COL11A1: variants seen among roughly 807,000 people sequenced by gnomAD.
COL11A1 encodes collagen type XI alpha 1 chain.
In COL11A1, 74 loss-of-function variants were observed where a neutral mutation model predicts 265.2. The ratio of observed to expected loss-of-function variants is 0.28; its 90% CI spans 0.23 to 0.34. COL11A1 has a LOEUF of 0.34. Ranked by LOEUF, COL11A1 falls within the 10% of genes least tolerant of loss-of-function variation. COL11A1 has a pLI of 1.00. For missense variants in COL11A1, 2,165 were observed against 2,263.6 expected (o/e 0.96, Z 0.88); for synonymous variants, 816 against 727.6 (o/e 1.12, Z -1.96).
intron 38 of COL11A1, among the ~76,000 whole-genome samples, chr1:102,964,231 C>T (rs568982768): frequency 4.6e-5 from 7 of 152,148 alleles, no homozygotes; most frequent in Non-Finnish European, 1.0e-4. Context: ...GAGTCTAATT[C>T]CATTTCTGTT....
chr1:103,108,060 C>A lies in COL11A1; in HGVS notation c.106+13G>T. 1 of 1,608,860 alleles carries A rather than the reference C, an allele frequency of 6.2e-7. No homozygotes were observed. On this transcript the variant is annotated intron_variant, in intron 1 of 66. Coordinates refer to ENST00000370096, the MANE Select transcript of COL11A1 (RefSeq NM_001854.4). ...CGGCAATCTCCCACCTCCCCAAATC[C>A]ATTTTTTCTTACCTCCTCTGACCTC...
At chr1:102,999,490 T>C (rs1402500017) in intron 24 of COL11A1, among the ~76,000 whole-genome samples, 1 of 151,898 alleles carries the variant, frequency 6.6e-6, no homozygotes, top group Non-Finnish European at 1.5e-5. Flanking sequence ...GCAATTAATA[T>C]ATGAGTGAAC....
intron 49 of COL11A1, among the ~76,000 whole-genome samples, chr1:102,918,936 G>A (rs554025970): frequency 6.6e-6 from 1 of 151,976 alleles, no homozygotes; most frequent in Non-Finnish European, 1.5e-5. Context: ...AAGATAAGCC[G>A]ATAAAAGCTA....
At chr1:103,039,662 G>A (rs1222579602) in intron 4 of COL11A1, among the ~76,000 whole-genome samples, 2 of 151,966 alleles carry the variant, frequency 1.3e-5, no homozygotes, top group Admixed American at 6.6e-5. Flanking sequence ...GAAAAAATAA[G>A]TTTCTGTTAT....
chr1:102,937,866 A>G (rs982802182), intron 44 of COL11A1, among the ~76,000 whole-genome samples: 3 of 152,212 alleles, frequency 2.0e-5, no homozygotes, highest in African/African-American at 7.2e-5. Context: ...GGCAGATACC[A>G]AAATACATTT....
At chr1:103,101,927 C>A (rs111390970) in intron 1 of COL11A1, among the ~76,000 whole-genome samples, 1 of 152,104 alleles carries the variant, frequency 6.6e-6, no homozygotes, top group African/African-American at 2.4e-5. Context: ...TAATTCCATG[C>A]GCAGCAAGCA....
At chr1:103,067,932 G>A (rs80240690) in intron 4 of COL11A1, among the ~76,000 whole-genome samples, 1,775 of 151,672 alleles carry the variant, frequency 0.012, 43 homozygotes, top group African/African-American at 0.04. Context: ...CCTGTATCGA[G>A]TAAAGAAATT....
intron 57 of COL11A1, among the ~76,000 whole-genome samples, chr1:102,895,983 T>C (rs762321456): frequency 6.6e-6 from 1 of 151,904 alleles, no homozygotes; most frequent in Non-Finnish European, 1.5e-5. Context: ...ATAAAATTGA[T>C]TGGTTTTCAA....
rs555018529 is a variant in COL11A1, at chr1:102,884,071, T to C, written c.4859-760A>G. Reference sequence around the variant, plus strand: ...AAGTTACTAGGAGCCAAAAGTGATATACATGTAAACATTACTTTGCTTCCT... The same window carrying C: ...AAGTTACTAGGAGCCAAAAGTGATACACATGTAAACATTACTTTGCTTCCT... On this transcript the variant is annotated intron_variant, in intron 63 of 66. Coordinates refer to ENST00000370096, the MANE Select transcript of COL11A1 (RefSeq NM_001854.4). Among the ~76,000 whole-genome samples the C allele has an allele frequency of 9.2e-5, 14 of 152,320 alleles. No individual in the cohort carries two copies. The South Asian group carries it at 2.5e-3, about 27-fold the overall frequency.
chr1:102,896,515 GA>G (rs1048005092), intron 57 of COL11A1, among the ~76,000 whole-genome samples: 1 of 152,068 alleles, frequency 6.6e-6, no homozygotes, highest in Admixed American at 6.6e-5. Context: ...TTAAAGCTAT[GA>G]AAAAACTACA....
At chr1:103,065,492 C>A (rs1164954733) in intron 4 of COL11A1, among the ~76,000 whole-genome samples, 1 of 121,680 alleles carries the variant, frequency 8.2e-6, no homozygotes, top group Non-Finnish European at 1.6e-5. Flanking sequence ...TACACTCCAG[C>A]CTGGGCGACA....
At chr1:102,942,947 A>G (rs1228151284) in intron 42 of COL11A1, among the ~76,000 whole-genome samples, 1 of 152,108 alleles carries the variant, frequency 6.6e-6, no homozygotes, top group Non-Finnish European at 1.5e-5. Flanking sequence ...CAGAGTTGAG[A>G]AAACAGAGGT....
In COL11A1 at chr1:102,956,666, T is replaced by C. The variant is rs954374294; in HGVS notation, c.3168+5200A>G. Among the ~76,000 whole-genome samples, 4 of 152,182 alleles carry C rather than the reference T, an allele frequency of 2.6e-5. No individual in the cohort carries two copies. In the South Asian group the frequency reaches 8.3e-4, roughly 32 times the overall value. On this transcript the variant is annotated intron_variant, in intron 41 of 66. Coordinates refer to ENST00000370096, the MANE Select transcript of COL11A1 (RefSeq NM_001854.4). ...CCATGAGTAGGTTATGAGGTAAATTTCACAGGTCTTGCCCAGTATTTAAAA... is the reference window on the plus strand; with the variant it reads ...CCATGAGTAGGTTATGAGGTAAATTCCACAGGTCTTGCCCAGTATTTAAAA...
intron 38 of COL11A1, among the ~76,000 whole-genome samples, chr1:102,963,630 C>T (rs1344737756): frequency 6.6e-6 from 1 of 151,852 alleles, no homozygotes; most frequent in Non-Finnish European, 1.5e-5. Context: ...TATTTTTTTC[C>T]TAAAAATGCA....
At chr1:103,085,828 T>C (rs1449314279) in intron 1 of COL11A1, among the ~76,000 whole-genome samples, 1 of 152,176 alleles carries the variant, frequency 6.6e-6, no homozygotes, top group Non-Finnish European at 1.5e-5. Flanking sequence ...AAAATGCTAA[T>C]CATAATAACT....
In COL11A1 at chr1:102,926,542, C is replaced by T. The variant is rs189827899; in HGVS notation, c.3601-3153G>A. Among the ~76,000 whole-genome samples the T allele has an allele frequency of 2.8e-3, 427 of 152,236 alleles. 1 individual carries two copies. Among genetic ancestry groups the T allele is most frequent in the Non-Finnish European group, 4.9e-3 (332 of 67,976 alleles). On this transcript the variant is annotated intron_variant, in intron 46 of 66. Transcript: ENST00000370096. Reference sequence around the variant, plus strand: ...TAAAGGAGGCAGATGCAATTGTGAACATGTTAATTACATTAGCATCATTCA... The same window carrying T: ...TAAAGGAGGCAGATGCAATTGTGAATATGTTAATTACATTAGCATCATTCA...
In COL11A1 at chr1:102,962,150, T is replaced by C. The variant is rs1660971312; in HGVS notation, c.3114+26A>G. 3.9e-6 allele frequency: 6 copies of C among 1,549,380 alleles called. No homozygotes were observed. The East Asian group carries it at 9.0e-5, about 23-fold the overall frequency. On this transcript the variant is annotated intron_variant, in intron 40 of 66. Transcript: ENST00000370096. Reference sequence around the variant, plus strand: ...CTAATAAACAATTGGAATCACTTGCTTTATCTATATAGATATTGATTATAC... The same window carrying C: ...CTAATAAACAATTGGAATCACTTGCCTTATCTATATAGATATTGATTATAC...
intron 18 of COL11A1, 56 bp from the exon 19 acceptor site, chr1:103,004,717 G>A (rs747002960): frequency 1.4e-6 from 2 of 1,434,034 alleles, no homozygotes; most frequent in Non-Finnish European, 2.0e-6. Flanking sequence ...ATGTTTACAA[G>A]TCTATCAGGT....
chr1:103,085,625 A>G (rs998696024), intron 1 of COL11A1, among the ~76,000 whole-genome samples: 1 of 152,154 alleles, frequency 6.6e-6, no homozygotes, highest in Non-Finnish European at 1.5e-5. Context: ...CTTCATACCT[A>G]TATTCAAAAA....
Sources: allele counts gnomAD v4.1 joint callset (sites outside exome capture counted in the v4.1 genomes callset), GRCh38; gene constraint gnomAD v4.1.1; transcripts MANE v1.5; gene names NCBI Gene and HGNC (gene_info 2026-07-23, HGNC 2026-07-21).